The following MTAP variants were observed in gnomAD, a reference collection of about 807,000 sequenced individuals.
MTAP encodes the protein methylthioadenosine phosphorylase.
MTAP carries 33 observed loss-of-function variants against 33.6 expected under a neutral mutation model. The ratio of observed to expected loss-of-function variants is 0.98; its 90% CI spans 0.74 to 1.31. The LOEUF is 1.31. Among genes scored for constraint, MTAP ranks in the 40% most tolerant of loss-of-function variants. The pLI is 0.00. For missense variants in MTAP, 367 were observed against 360.0 expected (o/e 1.02, Z -0.16); for synonymous variants, 148 against 125.7 (o/e 1.18, Z -1.19).
chr9:21,820,289 G>T lies in MTAP; in HGVS notation c.347+2087G>T, dbSNP rs535150303. ...TTATGGTTTTAGGTCTAACATTTAA[G>T]TCTTTAATCTATCTTGAATTAATTT... On this transcript the variant is annotated intron_variant, in intron 4 of 7. Coordinates refer to ENST00000644715, the MANE Select transcript of MTAP (RefSeq NM_002451.4). 1.5e-3 allele frequency among the ~76,000 whole-genome samples: 234 copies of T among 152,320 alleles called. 1 individual carries two copies. The highest frequency in any genetic ancestry group is 5.5e-3 in the African/African-American group (228 of 41,572).
At chr9:21,855,021 G>A in intron 6 of MTAP, 151 bp downstream of exon 6, 4 of 1,114,586 alleles carry the variant, frequency 3.6e-6, no homozygotes, top group Non-Finnish European at 3.7e-6. Context: ...CCATTGGAAG[G>A]TAAGAACAAA....
At chr9:21,833,224 C>A (rs761786379) in intron 4 of MTAP, among the ~76,000 whole-genome samples, 3 of 152,138 alleles carry the variant, frequency 2.0e-5, no homozygotes, top group South Asian at 2.1e-4. Flanking sequence ...ATCTCACTCT[C>A]GCCCAAGCTG....
At chr9:21,888,841 A>AG (rs1818154147) in intron 1 of MTAP, among the ~76,000 whole-genome samples, 2 of 152,268 alleles carry the variant, frequency 1.3e-5, no homozygotes, top group South Asian at 4.1e-4. Context: ...CATAGTCATC[A>AG]GGTTATCTAA....
intron 1 of MTAP, among the ~76,000 whole-genome samples, chr9:21,887,262 TC>T (rs1818126770): frequency 6.6e-6 from 1 of 151,552 alleles, no homozygotes; most frequent in South Asian, 2.1e-4. Context: ...CCTTCCCCTC[TC>T]CCCCCACCCC....
chr9:21,809,796 G>C (rs1824300095), intron 1 of MTAP, among the ~76,000 whole-genome samples: 1 of 152,218 alleles, frequency 6.6e-6, no homozygotes, highest in Non-Finnish European at 1.5e-5. Context: ...TTGAAAGCTA[G>C]AGAAGGGGAA....
At position 21,846,377 on chromosome 9, in the gene MTAP, C is replaced by T. The variant is rs535266084; in HGVS notation, c.451-8254C>T. Among the ~76,000 whole-genome samples, 5 of 150,952 alleles carry T rather than the reference C, an allele frequency of 3.3e-5. No individual in the cohort carries two copies. In the East Asian group the frequency reaches 9.8e-4, roughly 29 times the overall value. On this transcript the variant is annotated intron_variant, in intron 5 of 7. Coordinates refer to ENST00000644715, the MANE Select transcript of MTAP (RefSeq NM_002451.4). ...GCAAACTATGCATTCAATAGAGGAC[C>T]AATATCCAGAATCTACAGGGAACTG... is the stretch of plus-strand genomic sequence containing the variant.
intron 1 of MTAP, among the ~76,000 whole-genome samples, chr9:21,909,542 T>C (rs180910477): frequency 6.6e-6 from 1 of 152,300 alleles, no homozygotes; most frequent in African/African-American, 2.4e-5. Context: ...TGTAGTGTGT[T>C]ATATTTCTAA....
intron 1 of MTAP, among the ~76,000 whole-genome samples, chr9:21,896,312 A>G (rs1818292453): frequency 6.6e-6 from 1 of 152,208 alleles, no homozygotes; most frequent in African/African-American, 2.4e-5. Flanking sequence ...ACACCCTAAC[A>G]TCACAATTAA....
At chr9:21,872,539 C>T (rs1480163016) in intron 1 of MTAP, among the ~76,000 whole-genome samples, 1 of 152,188 alleles carries the variant, frequency 6.6e-6, no homozygotes, top group African/African-American at 2.4e-5. Flanking sequence ...TACACTGTCA[C>T]TCATCAGTGT....
chr9:21,880,547 T>G (rs1448115931), intron 1 of MTAP, among the ~76,000 whole-genome samples: 1 of 151,960 alleles, frequency 6.6e-6, no homozygotes, highest in East Asian at 1.9e-4. Flanking sequence ...ATAAACAAGC[T>G]CAGCAAGGTT....
chr9:21,857,278 C>T (rs1825663999), intron 6 of MTAP, among the ~76,000 whole-genome samples: 1 of 152,148 alleles, frequency 6.6e-6, no homozygotes, highest in Non-Finnish European at 1.5e-5. Flanking sequence ...TTCTTGGATG[C>T]TTCATGTCTG....
chr9:21,898,709 C>T (rs938149935), intron 1 of MTAP, among the ~76,000 whole-genome samples: 3 of 152,012 alleles, frequency 2.0e-5, no homozygotes, highest in Admixed American at 1.3e-4. Context: ...GTTAGAATGG[C>T]GATCATTAAA....
At chr9:21,872,125 C>T (rs1453691181) in intron 1 of MTAP, among the ~76,000 whole-genome samples, 2 of 152,082 alleles carry the variant, frequency 1.3e-5, no homozygotes, top group Non-Finnish European at 2.9e-5. Context: ...CCAGCCTGGC[C>T]AACATGGCAA....
intron 4 of MTAP, among the ~76,000 whole-genome samples, chr9:21,824,853 C>T (rs1174840808): frequency 6.6e-6 from 1 of 152,150 alleles, no homozygotes; most frequent in Non-Finnish European, 1.5e-5. Flanking sequence ...TCTCAGGCTG[C>T]TGTGCTAGCA....
Position 21,864,317 on chromosome 9 carries a change from C to T in MTAP, c.*2303C>T. On this transcript the variant is annotated 3_prime_UTR_variant, in exon 8 of 8. Transcript: ENST00000644715. ...TTGAGGATATTGTTGAAGAACACTT[C>T]CTGGAACACTTCTCACTTGTGATGC... is the stretch of plus-strand genomic sequence containing the variant. 1 of 985,252 alleles carries T rather than the reference C, an allele frequency of 1.0e-6. No homozygotes were observed. The highest frequency in any genetic ancestry group is 4.7e-5 in the South Asian group (1 of 21,260). The allele number at this position is 985,252 out of a possible 1,614,324, so 61.0% of individuals were successfully genotyped here. A position where few individuals can be genotyped will look rare whatever the true frequency, so the allele number is the denominator to read the frequency against.
chr9:21,891,170 A>C (rs1042192627), intron 1 of MTAP, among the ~76,000 whole-genome samples: 5 of 152,210 alleles, frequency 3.3e-5, no homozygotes, highest in African/African-American at 1.2e-4. Flanking sequence ...GATTCAAGAA[A>C]CATCAAGCCA....
chr9:21,817,725 A>T (rs916917641), intron 3 of MTAP, among the ~76,000 whole-genome samples: 2 of 152,084 alleles, frequency 1.3e-5, no homozygotes, highest in Admixed American at 6.5e-5. Context: ...GGAGTGACTT[A>T]TAGCACGTTT....
At chr9:21,833,222 C>G (rs1388311528) in intron 4 of MTAP, among the ~76,000 whole-genome samples, 1 of 152,112 alleles carries the variant, frequency 6.6e-6, no homozygotes, top group Non-Finnish European at 1.5e-5. Context: ...AGATCTCACT[C>G]TCGCCCAAGC....
rs907717445 is a variant in MTAP at position 21,854,641 on chromosome 9, A to G, written c.461A>G (p.Glu154Gly). Residue 154 changes from glutamate to glycine, a missense_variant, in exon 6 of 8, where the codon GAG (glutamate) becomes GGG (glycine). By Grantham distance (98) the Glu-to-Gly change is moderately conservative. Transcript: ENST00000644715. ...GTTTTTCTTTTCTAGGTTCTTATAG[A>G]GACTGCTAAGAAGCTAGGACTCCGG... ...FCPKTREVLIETAKKLGLRCH... is the reference protein window; with the variant it reads ...FCPKTREVLIGTAKKLGLRCH... 5 of 1,581,316 alleles carry G rather than the reference A, an allele frequency of 3.2e-6. No individual in the cohort carries two copies. The African/African-American group carries it at 5.5e-5, about 17-fold the overall frequency.
Sources: gnomAD v4.1 joint callset for allele counts (sites outside exome capture counted in the v4.1 genomes callset) on GRCh38, gnomAD v4.1.1 for gene constraint, MANE v1.5 for transcripts, NCBI Gene and HGNC (gene_info 2026-07-23, HGNC 2026-07-21) for gene names.